The following HIBCH variants were observed in gnomAD, a reference collection of about 807,000 sequenced individuals.
HIBCH encodes 3-hydroxyisobutyryl-CoA hydrolase, also known as 3-hydroxyisobutyryl-CoA hydrolase, mitochondrial.
In HIBCH, 50 loss-of-function variants were observed where a neutral mutation model predicts 58.2. That is an observed-to-expected ratio of 0.86 (90% confidence interval 0.68 to 1.09). The LOEUF is 1.09. HIBCH is among the 50% of genes least tolerant of loss of function. The pLI, the probability that HIBCH is intolerant of heterozygous loss-of-function variation, is 0.00. For synonymous variants in HIBCH, 151 were observed against 146.9 expected (o/e 1.03, Z -0.20); for missense variants, 450 against 449.7 (o/e 1.00, Z -0.01).
chr2:190,214,971 T>C lies in HIBCH; in HGVS notation c.892-1896A>G, dbSNP rs924825747. On this transcript the variant is annotated intron_variant, in intron 11 of 13. Coordinates refer to ENST00000359678, the MANE Select transcript of HIBCH (RefSeq NM_014362.4). The surrounding 1 kb of genome is among the most constrained non-coding windows in gnomAD (Gnocchi z 5.5). ...TTCTGAACAGTAGACGTCTAATAAG[T>C]ACTCTCTTAGAGAAGTCCCTATGGG... 3.3e-5 allele frequency: 5 copies of C among 152,246 alleles called. No individual in the cohort carries two copies. Among genetic ancestry groups the C allele is most frequent in the Admixed American group, 3.3e-4 (5 of 15,286 alleles). 9.4% of individuals were successfully genotyped at this position (152,246 alleles called of 1,614,324 possible). A position where few individuals can be genotyped will look rare whatever the true frequency, so the allele number is the denominator to read the frequency against.
intron 6 of HIBCH, among the ~76,000 whole-genome samples, chr2:190,270,280 T>TTA (rs1553502974): frequency 0.01 from 1,543 of 148,330 alleles, 34 homozygotes; most frequent in African/African-American, 0.036. Context: ...TTTTTTTTTT[T>TTA]AAAAAAAAAG....
downstream of HIBCH, chr2:190,200,130 TGA>T: frequency 1.2e-6 from 2 of 1,613,784 alleles, no homozygotes; most frequent in African/African-American, 1.3e-5. Context: ...TTCCATACAT[TGA>T]GAGTGAGGGG....
Position 190,212,955 on chromosome 2 carries a change from C to T in HIBCH, c.1011+1G>A. On this transcript the variant is annotated splice_donor_variant, in intron 12 of 13. Transcript: ENST00000359678. LOFTEE classifies it high-confidence loss of function. ...ATGACATTTTTTTTTTAAATTCTTACCATACAAGCTTGACTTAGCCGATAC... is the reference window on the plus strand; with the variant it reads ...ATGACATTTTTTTTTTAAATTCTTATCATACAAGCTTGACTTAGCCGATAC... The T allele has an allele frequency of 6.2e-7, 1 of 1,609,002 alleles. No homozygotes were observed. Among genetic ancestry groups the T allele is most frequent in the Admixed American group, 1.7e-5 (1 of 59,956 alleles).
chr2:190,257,817 A>G (rs1312650342), intron 7 of HIBCH, among the ~76,000 whole-genome samples: 3 of 152,188 alleles, frequency 2.0e-5, no homozygotes, highest in African/African-American at 4.8e-5. Flanking sequence ...TCATCCCTGT[A>G]TCGGGAACTA....
intron 11 of HIBCH, among the ~76,000 whole-genome samples, chr2:190,231,535 C>G (rs1686095950): frequency 6.6e-6 from 1 of 152,162 alleles, no homozygotes; most frequent in South Asian, 2.1e-4. Flanking sequence ...GAATGAACTT[C>G]TTCACACTGA....
chr2:190,192,127 A>ATAAAG (rs1459544961), intron 1 of HIBCH, among the ~76,000 whole-genome samples: 3 of 152,224 alleles, frequency 2.0e-5, no homozygotes, highest in East Asian at 3.9e-4. Flanking sequence ...TAATTTTTCT[A>ATAAAG]TAAAGTATAA....
chr2:190,213,428 G>A (rs987444023), intron 11 of HIBCH: 6 of 264,302 alleles, frequency 2.3e-5, no homozygotes, highest in South Asian at 1.7e-4. Context: ...AGAAAATAAC[G>A]CATACAGTGG....
Position 190,244,159 on chromosome 2 carries a change from A to ACG in HIBCH, c.891+727_891+728insCG, listed in dbSNP as rs1686538183. 2.0e-5 allele frequency among the ~76,000 whole-genome samples: 3 copies of ACG among 152,264 alleles called. No homozygotes were observed. In the South Asian group the frequency reaches 6.2e-4, roughly 32 times the overall value. The stretch of plus-strand genomic sequence containing the variant: ...TATATATATATATACACACACACAC[A>ACG]CATATATATACGAAAAATGCTATCA... On this transcript the variant is annotated intron_variant, in intron 11 of 13. Coordinates refer to ENST00000359678, the MANE Select transcript of HIBCH (RefSeq NM_014362.4).
chr2:190,294,128 G>C (rs1044133013), intron 4 of HIBCH, among the ~76,000 whole-genome samples: 1 of 149,010 alleles, frequency 6.7e-6, no homozygotes, highest in Non-Finnish European at 1.5e-5. Flanking sequence ...GGAAGCATAG[G>C]AAAAGTTATG....
At chr2:190,278,628 AG>A (rs1687623092) in intron 6 of HIBCH, among the ~76,000 whole-genome samples, 2 of 31,084 alleles carry the variant, frequency 6.4e-5, no homozygotes, top group Admixed American at 1.8e-4. Flanking sequence ...CCTGTAGAGC[AG>A]CAGTTTTTAA....
Position 190,235,403 on chromosome 2 carries a change from C to T in HIBCH, c.891+9484G>A, listed in dbSNP as rs1032053256. Among the ~76,000 whole-genome samples, 5 of 152,134 alleles carry T rather than the reference C, an allele frequency of 3.3e-5. No individual in the cohort carries two copies. The South Asian group carries it at 8.3e-4, about 25-fold the overall frequency. Reference sequence around the variant, plus strand: ...AGTTTGTTGTTTACTCATATAGCCTCCAGTGGTAGGATACTGAGTTAATCA... The same window carrying T: ...AGTTTGTTGTTTACTCATATAGCCTTCAGTGGTAGGATACTGAGTTAATCA... On this transcript the variant is annotated intron_variant, in intron 11 of 13. Transcript: ENST00000359678.
rs914139363 is a variant in HIBCH, at chr2:190,265,036, T to C, written c.439-3802A>G. On this transcript the variant is annotated intron_variant, in intron 6 of 13. Coordinates refer to ENST00000359678, the MANE Select transcript of HIBCH (RefSeq NM_014362.4). Reference sequence around the variant, plus strand: ...TACTCGGGAGGCTGAGGCAGGAGAATTGCTTGAACCTGGGAGGTGGAGGTT... The same window carrying C: ...TACTCGGGAGGCTGAGGCAGGAGAACTGCTTGAACCTGGGAGGTGGAGGTT... Among the ~76,000 whole-genome samples the C allele has an allele frequency of 6.0e-5, 9 of 149,154 alleles. No homozygotes were observed. The South Asian group carries it at 1.7e-3, about 28-fold the overall frequency.
chr2:190,302,061 T>C (rs1287425559), intron 2 of HIBCH, among the ~76,000 whole-genome samples: 4 of 152,138 alleles, frequency 2.6e-5, no homozygotes, highest in Non-Finnish European at 5.9e-5. Flanking sequence ...GGAATTCCAA[T>C]ATGGAATGCA....
Position 190,315,609 on chromosome 2 carries a change from A to T in HIBCH, c.35+4107T>A, listed in dbSNP as rs1191875996. On this transcript the variant is annotated intron_variant, in intron 1 of 13. Transcript: ENST00000359678. The surrounding 1 kb of genome is among the most constrained non-coding windows in gnomAD (Gnocchi z 5.4). The stretch of plus-strand genomic sequence containing the variant: ...TACATGAAACTGCTTAAGCAGGAAG[A>T]AGACATCACAAAGTAGTGCTTAGTG... Among the ~76,000 whole-genome samples, 1 of 152,256 alleles carries T rather than the reference A, an allele frequency of 6.6e-6. No homozygotes were observed. The highest frequency in any genetic ancestry group is 1.5e-5 in the Non-Finnish European group (1 of 68,046).
chr2:190,220,084 CT>C (rs1685674511), intron 11 of HIBCH, among the ~76,000 whole-genome samples: 1 of 152,176 alleles, frequency 6.6e-6, no homozygotes, highest in Admixed American at 6.5e-5. Context: ...ACAGATCTGA[CT>C]TGTTGGCTAT....
In HIBCH at chr2:190,211,479, T is replaced by C. The variant is rs186676893; in HGVS notation, c.1011+1477A>G. ...CCCTATCTCCACACAGCAGCAACAA[T>C]TTCCTTCTTAAAGCAAATTGAACCG... On this transcript the variant is annotated intron_variant, in intron 12 of 13. Transcript: ENST00000359678. This position sits in a 1 kb window ranked among gnomAD's most constrained non-coding sequence, Gnocchi z 5.0. 6.3e-3 allele frequency among the ~76,000 whole-genome samples: 955 copies of C among 152,298 alleles called. 9 individuals are homozygous for C. Among genetic ancestry groups the C allele is most frequent in the African/African-American group, 0.022 (907 of 41,568 alleles).
chr2:190,215,204 G>A lies in HIBCH; in HGVS notation c.892-2129C>T, dbSNP rs926536965. ...TGAGATGATGTCAATCATGAATATT[G>A]TGTTTACTGGGGAAGAGAGGGGAAT... On this transcript the variant is annotated intron_variant, in intron 11 of 13. Transcript: ENST00000359678. This position sits in a 1 kb window ranked among gnomAD's most constrained non-coding sequence, Gnocchi z 4.4. 8 of 152,148 alleles carry A rather than the reference G, an allele frequency of 5.3e-5. No homozygotes were observed. Among genetic ancestry groups the A allele is most frequent in the African/African-American group, 1.4e-4 (6 of 41,432 alleles). 9.4% of individuals were successfully genotyped at this position (152,148 alleles called of 1,614,324 possible). A position where few individuals can be genotyped will look rare whatever the true frequency, so the allele number is the denominator to read the frequency against.
chr2:190,285,155 T>C (rs1307633415), intron 6 of HIBCH, among the ~76,000 whole-genome samples: 2 of 152,252 alleles, frequency 1.3e-5, no homozygotes, highest in Non-Finnish European at 2.9e-5. Flanking sequence ...TCAGCTTTGC[T>C]ACTGTGTATT....
chr2:190,314,393 A>G (rs1452128958), intron 1 of HIBCH, among the ~76,000 whole-genome samples: 2 of 141,162 alleles, frequency 1.4e-5, no homozygotes, highest in Non-Finnish European at 3.0e-5. Context: ...ATATATATGT[A>G]TATATATACG....
Sources: gnomAD v4.1 joint callset for allele counts (sites outside exome capture counted in the v4.1 genomes callset) on GRCh38, gnomAD v4.1.1 for gene constraint, Gnocchi (gnomAD v3.1) non-coding constraint, MANE v1.5 for transcripts, NCBI Gene and HGNC (gene_info 2026-07-23, HGNC 2026-07-21) for gene names.